Variants in PIK3C2G observed in about 807,000 individuals in gnomAD.
PIK3C2G encodes phosphatidylinositol 3-kinase C2 domain-containing subunit gamma.
PIK3C2G carries 168 observed loss-of-function variants against 181.1 expected under a neutral mutation model. The observed-to-expected ratio is 0.93, with a 90% CI of 0.82 to 1.05. The LOEUF (loss-of-function observed/expected upper bound fraction) is 1.05. Ranked by LOEUF, PIK3C2G falls within the 50% of genes least tolerant of loss-of-function variation. The pLI is 0.00. For missense variants in PIK3C2G, 1,869 were observed against 1,732.8 expected, an observed-to-expected ratio of 1.08 and a Z score of -1.40; for synonymous variants, 573 against 592.2, an observed-to-expected ratio of 0.97 and a Z score of 0.47.
chr12:18,557,839 A>G (rs1157792844), intron 26 of PIK3C2G, among the ~76,000 whole-genome samples: 1 of 152,188 alleles, frequency 6.6e-6, no homozygotes, highest in African/African-American at 2.4e-5. Flanking sequence ...AATAACTCCA[A>G]CAAAAAATAT....
intron 7 of PIK3C2G, among the ~76,000 whole-genome samples, 194 bp downstream of exon 7, chr12:18,321,226 A>G (rs1951094629): frequency 6.6e-6 from 1 of 152,210 alleles, no homozygotes; most frequent in South Asian, 2.1e-4. Context: ...AGAGCTGCTA[A>G]CACTTTCCAG....
the PIK3C2G span, among the ~76,000 whole-genome samples, chr12:18,696,900 T>C: frequency 6.6e-6 from 1 of 152,190 alleles, no homozygotes; most frequent in African/African-American, 2.4e-5. Context: ...TCGTTCTTAC[T>C]GGGATAATCT....
chr12:18,282,016 C>A lies in PIK3C2G; in HGVS notation c.-66C>A. ...ATGCTTTTTCTAGGAAAATTTCTAT[C>A]TTCTTTTGTATTATCAAGGAGATAT... On this transcript the variant is annotated 5_prime_UTR_variant, in exon 2 of 33. Coordinates refer to ENST00000538779, the MANE Select transcript of PIK3C2G (RefSeq NM_001288772.2). 1.1e-6 allele frequency: 1 copy of A among 906,398 alleles called. No individual in the cohort carries two copies. The highest frequency in any genetic ancestry group is 1.6e-6 in the Non-Finnish European group (1 of 607,372). The allele number at this position is 906,398 out of a possible 1,614,324, so 56.1% of individuals were successfully genotyped here. A position where few individuals can be genotyped will look rare whatever the true frequency, so the allele number is the denominator to read the frequency against.
At chr12:18,354,999 T>A (rs1940593851) in intron 11 of PIK3C2G, among the ~76,000 whole-genome samples, 1 of 152,238 alleles carries the variant, frequency 6.6e-6, no homozygotes, top group African/African-American at 2.4e-5. Context: ...ATTGTCCACA[T>A]TCACTTATGC....
At chr12:18,273,106 A>T (rs1253504047) in intron 1 of PIK3C2G, among the ~76,000 whole-genome samples, 1 of 152,148 alleles carries the variant, frequency 6.6e-6, no homozygotes, top group Non-Finnish European at 1.5e-5. Context: ...ATTTTTTAAA[A>T]TCCAGCATTA....
intron 16 of PIK3C2G, among the ~76,000 whole-genome samples, chr12:18,413,814 G>A (rs900645683): frequency 6.6e-6 from 1 of 152,116 alleles, no homozygotes; most frequent in Non-Finnish European, 1.5e-5. Flanking sequence ...CTGGCTTGTG[G>A]AAAATTCAAA....
At chr12:18,252,574 A>G (rs577553326) in intron 1 of PIK3C2G, among the ~76,000 whole-genome samples, 5 of 152,308 alleles carry the variant, frequency 3.3e-5, no homozygotes, top group East Asian at 1.9e-4. Context: ...GCTAAATTCA[A>G]TGAAGAAGTG....
chr12:18,556,608 A>C (rs1945025243), intron 26 of PIK3C2G, among the ~76,000 whole-genome samples: 1 of 152,188 alleles, frequency 6.6e-6, no homozygotes, highest in Non-Finnish European at 1.5e-5. Flanking sequence ...TTTTCACTCC[A>C]GCAAATAAAA....
chr12:18,582,400 T>C (rs976321284), intron 29 of PIK3C2G, among the ~76,000 whole-genome samples: 3 of 152,086 alleles, frequency 2.0e-5, no homozygotes, highest in African/African-American at 7.2e-5. Flanking sequence ...GATCCCCTGG[T>C]GAACCCACTC....
At chr12:18,516,283 G>A (rs1319632945) in intron 24 of PIK3C2G, among the ~76,000 whole-genome samples, 1 of 135,242 alleles carries the variant, frequency 7.4e-6, no homozygotes, top group Non-Finnish European at 1.6e-5. Flanking sequence ...TTTTCATTCA[G>A]CATTTTGAAT....
the PIK3C2G span, among the ~76,000 whole-genome samples, chr12:18,662,255 C>T: frequency 1.3e-5 from 2 of 151,922 alleles, no homozygotes; most frequent in Non-Finnish European, 1.5e-5. Flanking sequence ...TACATCAAAC[C>T]CCTGCAACAT....
At chr12:18,718,113 T>C in the PIK3C2G span, among the ~76,000 whole-genome samples, 300 of 152,260 alleles carry the variant, frequency 2.0e-3, 2 homozygotes, top group Non-Finnish European at 3.5e-3. Context: ...TGTGTTAAAG[T>C]AAGCTAGGTG....
At chr12:18,418,309 A>G (rs1485772049) in intron 16 of PIK3C2G, among the ~76,000 whole-genome samples, 3 of 152,194 alleles carry the variant, frequency 2.0e-5, no homozygotes, top group Non-Finnish European at 4.4e-5. Flanking sequence ...AAGGAGGACT[A>G]GAACTTAAAG....
intron 24 of PIK3C2G, among the ~76,000 whole-genome samples, chr12:18,536,985 A>G (rs1943890877): frequency 6.6e-6 from 1 of 152,062 alleles, no homozygotes; most frequent in Non-Finnish European, 1.5e-5. Flanking sequence ...ATTACAAAAT[A>G]AAGTTTCTAA....
chr12:18,707,199 C>A, the PIK3C2G span, among the ~76,000 whole-genome samples: 1 of 152,268 alleles, frequency 6.6e-6, no homozygotes, highest in Admixed American at 6.5e-5. Flanking sequence ...CCAAATAAAA[C>A]AACATTTACA....
chr12:18,646,529 AG>A (rs1466194868), intron 32 of PIK3C2G, among the ~76,000 whole-genome samples: 1 of 152,142 alleles, frequency 6.6e-6, no homozygotes, highest in Admixed American at 6.6e-5. Flanking sequence ...ACGTAATGAA[AG>A]GTAAGCCTAT....
intron 29 of PIK3C2G, among the ~76,000 whole-genome samples, chr12:18,574,190 G>A (rs1004224411): frequency 6.6e-6 from 1 of 152,136 alleles, no homozygotes; most frequent in Non-Finnish European, 1.5e-5. Flanking sequence ...GAGAGACACA[G>A]GATCTTTTAG....
chr12:18,576,963 C>A (rs894518891), intron 29 of PIK3C2G, among the ~76,000 whole-genome samples: 2 of 152,122 alleles, frequency 1.3e-5, no homozygotes, highest in African/African-American at 4.8e-5. Context: ...TATAATAAAG[C>A]AGTTTGGAGA....
At position 18,282,529 on chromosome 12, in the gene PIK3C2G, A is replaced by T. The variant is rs749483854; in HGVS notation, c.448A>T (p.Ser150Cys). Reference protein sequence around the residue: ...RFSILAPSFTSLDKINLEKEL... With the variant: ...RFSILAPSFTCLDKINLEKEL... ...CAGTATTTTAGCTCCATCATTCACA[A>T]GTTTGGATAAAATTAATCTAGAGAA... Residue 150 changes from serine to cysteine, a missense_variant, in exon 2 of 33, where the codon AGT becomes TGT. Physicochemically the swap from Ser to Cys is moderately radical, Grantham distance 112 (BLOSUM62 -1). Transcript: ENST00000538779. The T allele has an allele frequency of 1.2e-6, 2 of 1,611,430 alleles. No homozygotes were observed. Among genetic ancestry groups the T allele is most frequent in the Admixed American group, 1.7e-5 (1 of 59,848 alleles).
Sources: gnomAD v4.1 joint callset for allele counts (sites outside exome capture counted in the v4.1 genomes callset) on GRCh38, gnomAD v4.1.1 for gene constraint, MANE v1.5 for transcripts, NCBI Gene and HGNC (gene_info 2026-07-23, HGNC 2026-07-21) for gene names.